The following NRG3 variants were observed in gnomAD, a reference collection of about 807,000 sequenced individuals.
NRG3 encodes neuregulin 3, also known as pro-neuregulin-3, membrane-bound isoform.
In NRG3, 31 loss-of-function variants were observed where a neutral mutation model predicts 66.9. The observed-to-expected ratio is 0.46, with a 90% CI of 0.35 to 0.63. NRG3 has a LOEUF of 0.63. Ranked by LOEUF, NRG3 falls within the 20% of genes least tolerant of loss-of-function variation. NRG3 has a pLI of 0.00. For synonymous variants in NRG3, 393 were observed against 359.4 expected (o/e 1.09, Z -1.06); for missense variants, 910 against 878.9 (o/e 1.04, Z -0.45).
chr10:81,959,698 G>A (rs1850173559), intron 1 of NRG3, among the ~76,000 whole-genome samples: 2 of 151,886 alleles, frequency 1.3e-5, no homozygotes, highest in African/African-American at 2.4e-5. Flanking sequence ...ATACAGAAGG[G>A]CTTGTGAAAA....
At chr10:82,467,341 C>T (rs548950186) in intron 2 of NRG3, among the ~76,000 whole-genome samples, 1 of 152,188 alleles carries the variant, frequency 6.6e-6, no homozygotes, top group Non-Finnish European at 1.5e-5. Flanking sequence ...GGCTTCCTGG[C>T]CTGCAATACA....
At chr10:82,667,054 G>A (rs919954387) in intron 2 of NRG3, among the ~76,000 whole-genome samples, 4 of 152,302 alleles carry the variant, frequency 2.6e-5, no homozygotes, top group African/African-American at 9.6e-5. Flanking sequence ...CTGTGTTTCT[G>A]ACTGGGGTCC....
chr10:81,918,972 A>ACACACAC (rs10629762), intron 1 of NRG3, among the ~76,000 whole-genome samples: 1,603 of 129,526 alleles, frequency 0.012, 22 homozygotes, highest in African/African-American at 0.039. Context: ...GCATCATAAC[A>ACACACAC]AAACACACAC....
At chr10:82,082,987 T>C (rs1466953399) in intron 1 of NRG3, among the ~76,000 whole-genome samples, 1 of 151,906 alleles carries the variant, frequency 6.6e-6, no homozygotes, top group East Asian at 1.9e-4. Flanking sequence ...GTCACCAGGC[T>C]AGGGTGCAGT....
chr10:82,004,973 A>C (rs550355313), intron 1 of NRG3, among the ~76,000 whole-genome samples: 1 of 152,364 alleles, frequency 6.6e-6, no homozygotes, highest in South Asian at 2.1e-4. Flanking sequence ...CTAGCAAATG[A>C]GTACATACTG....
At chr10:82,974,679 T>A (rs760832521) in intron 7 of NRG3, among the ~76,000 whole-genome samples, 7 of 152,224 alleles carry the variant, frequency 4.6e-5, no homozygotes, top group Admixed American at 6.5e-5. Context: ...TACAATATTT[T>A]ACAATTTGAA....
At chr10:82,122,435 C>T (rs982156419) in intron 1 of NRG3, among the ~76,000 whole-genome samples, 6 of 152,092 alleles carry the variant, frequency 3.9e-5, no homozygotes, top group Non-Finnish European at 5.9e-5. Context: ...GTTTTTGCTC[C>T]GTAGTTTGTC....
intron 3 of NRG3, among the ~76,000 whole-genome samples, chr10:82,811,247 AG>A (rs2061481847): frequency 6.6e-6 from 1 of 152,236 alleles, no homozygotes; most frequent in Admixed American, 6.5e-5. Context: ...TATTTTCACT[AG>A]ATAACAAACT....
chr10:82,536,282 T>G (rs1168630809), intron 2 of NRG3, among the ~76,000 whole-genome samples: 2 of 152,140 alleles, frequency 1.3e-5, no homozygotes, highest in African/African-American at 4.8e-5. Context: ...TACCTCAGGA[T>G]AGACAGGGGA....
chr10:82,370,977 T>C (rs1000407166), intron 2 of NRG3, among the ~76,000 whole-genome samples: 3 of 148,306 alleles, frequency 2.0e-5, no homozygotes, highest in Non-Finnish European at 4.5e-5. Flanking sequence ...CACACACACA[T>C]TCACACACAT....
At chr10:82,874,893 A>T (rs1377663164) in intron 4 of NRG3, among the ~76,000 whole-genome samples, 2 of 152,196 alleles carry the variant, frequency 1.3e-5, no homozygotes, top group Non-Finnish European at 2.9e-5. Flanking sequence ...CAGTTCTGTG[A>T]CTAGTCCTTA....
At chr10:82,472,470 C>T (rs577765185) in intron 2 of NRG3, among the ~76,000 whole-genome samples, 3 of 152,348 alleles carry the variant, frequency 2.0e-5, no homozygotes, top group African/African-American at 7.2e-5. Flanking sequence ...AATAGCTCTT[C>T]TACCTTAAAA....
intron 1 of NRG3, among the ~76,000 whole-genome samples, chr10:82,355,454 A>G (rs561272503): frequency 6.6e-6 from 1 of 152,212 alleles, no homozygotes; most frequent in African/African-American, 2.4e-5. Flanking sequence ...AAATAGATGT[A>G]TGAATACATA....
chr10:82,478,231 CTTTT>C (rs1210990084), intron 2 of NRG3, among the ~76,000 whole-genome samples: 4 of 18,150 alleles, frequency 2.2e-4, no homozygotes, highest in African/African-American at 4.9e-4. Flanking sequence ...TTGTGTCACT[CTTTT>C]TTTTTTTTTT....
At chr10:82,935,888 AT>A (rs1208551426) in intron 4 of NRG3, among the ~76,000 whole-genome samples, 1 of 151,856 alleles carries the variant, frequency 6.6e-6, no homozygotes, top group Non-Finnish European at 1.5e-5. Context: ...AAAAAAAAAA[AT>A]CTAGACATAT....
chr10:82,275,190 A>C lies in NRG3; in HGVS notation c.824-83549A>C, dbSNP rs909228176. Among the ~76,000 whole-genome samples, 5 of 152,016 alleles carry C rather than the reference A, an allele frequency of 3.3e-5. 1 individual carries two copies. The highest frequency in any genetic ancestry group is 2.4e-5 in the African/African-American group (1 of 41,438). The stretch of plus-strand genomic sequence containing the variant: ...GTATACTTGTACATCTATTCTTTAG[A>C]TTATCAATGTTGTTTAGTGTAGGTA... On this transcript the variant is annotated intron_variant, in intron 1 of 8. Coordinates refer to ENST00000372141, the MANE Select transcript of NRG3 (RefSeq NM_001010848.4).
intron 6 of NRG3, among the ~76,000 whole-genome samples, chr10:82,967,130 A>G (rs2132521448): frequency 6.7e-6 from 1 of 149,272 alleles, no homozygotes; most frequent in East Asian, 1.9e-4. Context: ...CAGACAGATC[A>G]AAGATTTTAT....
chr10:82,325,226 G>T (rs2135194568), intron 1 of NRG3, among the ~76,000 whole-genome samples: 1 of 151,704 alleles, frequency 6.6e-6, no homozygotes, highest in African/African-American at 2.4e-5. Flanking sequence ...CCGTTGCCCA[G>T]GCTGGAGTGC....
chr10:82,827,100 A>G (rs1195133085), intron 3 of NRG3: 4 of 330,780 alleles, frequency 1.2e-5, no homozygotes, highest in South Asian at 9.4e-5. Flanking sequence ...AGCTTGAAAA[A>G]TAACTCTTGA....
Sources: gnomAD v4.1 joint callset for allele counts (sites outside exome capture counted in the v4.1 genomes callset) on GRCh38, gnomAD v4.1.1 for gene constraint, MANE v1.5 for transcripts, NCBI Gene and HGNC (gene_info 2026-07-23, HGNC 2026-07-21) for gene names.